The following KIAA1549 variants were observed in gnomAD, a reference collection of about 807,000 sequenced individuals.
KIAA1549 encodes the protein KIAA1549, also known as UPF0606 protein KIAA1549.
KIAA1549 carries 70 observed loss-of-function variants against 156.4 expected under a neutral mutation model. The observed-to-expected ratio is 0.45, with a 90% CI of 0.37 to 0.55. The LOEUF (loss-of-function observed/expected upper bound fraction) is 0.55. Among genes scored for constraint, KIAA1549 ranks in the 20% least tolerant of loss-of-function variants. The pLI, the probability that KIAA1549 is intolerant of heterozygous loss-of-function variation, is 0.00. For synonymous variants in KIAA1549, 1,103 were observed against 1,066.4 expected (o/e 1.03, Z -0.67); for missense variants, 2,428 against 2,540.9 (o/e 0.96, Z 0.96).
At chr7:138,940,482 C>T (rs1367789258) in intron 1 of KIAA1549, among the ~76,000 whole-genome samples, 2 of 150,826 alleles carry the variant, frequency 1.3e-5, no homozygotes, top group Non-Finnish European at 3.0e-5. Context: ...CATACGTGTG[C>T]ATGTGTCTTT....
chr7:138,862,728 C>T (rs985990463), intron 15 of KIAA1549, among the ~76,000 whole-genome samples: 1 of 152,018 alleles, frequency 6.6e-6, no homozygotes. Flanking sequence ...GTCAGGAGTT[C>T]GAGACCAGCG....
chr7:138,889,026 A>T (rs1224806694), intron 10 of KIAA1549, among the ~76,000 whole-genome samples: 3 of 152,216 alleles, frequency 2.0e-5, no homozygotes, highest in Non-Finnish European at 4.4e-5. Flanking sequence ...AAGAAAACAG[A>T]TATACTAAAC....
Position 138,944,112 on chromosome 7 carries a change from T to TTA in KIAA1549, c.188-24676_188-24675dup, listed in dbSNP as rs1245306230. ...TTGTCTATGGCCCCATTTTTTAAGATTACCATATACTGTTATTAACTGGTA... is the reference window on the plus strand; with the variant it reads ...TTGTCTATGGCCCCATTTTTTAAGATTATACCATATACTGTTATTAACTGGTA... On this transcript the variant is annotated intron_variant, in intron 1 of 19. Transcript: ENST00000422774. Among the ~76,000 whole-genome samples, 20 of 151,852 alleles carry TTA rather than the reference T, an allele frequency of 1.3e-4. No individual in the cohort carries two copies. In the East Asian group the frequency reaches 3.9e-3, roughly 29 times the overall value.
chr7:138,877,278 A>G (rs143457721), intron 12 of KIAA1549, among the ~76,000 whole-genome samples: 1,750 of 152,294 alleles, frequency 0.011, 25 homozygotes, highest in African/African-American at 0.039. Flanking sequence ...CAGATCACAT[A>G]AGGCCAGGAG....
At chr7:138,968,859 CAAAAAAAAAAAAAA>C (rs75576327) in intron 1 of KIAA1549, among the ~76,000 whole-genome samples, 1 of 66,480 alleles carries the variant, frequency 1.5e-5, no homozygotes, top group Non-Finnish European at 3.2e-5. Context: ...GACTCCGTCT[CAAAAAAAAAAAAAA>C]AAAAAAACAC....
At chr7:138,927,767 CCTCA>C in intron 1 of KIAA1549, among the ~76,000 whole-genome samples, 1 of 152,348 alleles carries the variant, frequency 6.6e-6, no homozygotes, top group East Asian at 1.9e-4. Flanking sequence ...GGCCGCAAAT[CCTCA>C]CTATGACTTG....
At position 138,837,546 on chromosome 7, in the gene KIAA1549, G is replaced by A. The variant is rs1298107027; in HGVS notation, c.*360C>T. 11 of 366,384 alleles carry A rather than the reference G, an allele frequency of 3.0e-5. No homozygotes were observed. The highest frequency in any genetic ancestry group is 1.2e-4 in the African/African-American group (6 of 48,896). The allele number at this position is 366,384 out of a possible 1,614,324, so 22.7% of individuals were successfully genotyped here. On this transcript the variant is annotated 3_prime_UTR_variant, in exon 20 of 20. Transcript: ENST00000422774. ...GTACCAGTCTCAATCCCACAGAAAC[G>A]CTTGGTTCCTTTCATCCCTATGCTG...
intron 3 of KIAA1549, 105 bp downstream of exon 3, chr7:138,912,267 T>C (rs1338985619): frequency 1.3e-5 from 10 of 798,482 alleles, no homozygotes; most frequent in Non-Finnish European, 2.2e-5. Context: ...AGGGAAGAGA[T>C]GAAATAGAAT....
At chr7:138,976,343 G>A (rs1814377868) in intron 1 of KIAA1549, among the ~76,000 whole-genome samples, 1 of 152,134 alleles carries the variant, frequency 6.6e-6, no homozygotes, top group Non-Finnish European at 1.5e-5. Flanking sequence ...TTACAGGCGT[G>A]AGTCACCGCG....
At chr7:138,896,497 T>A (rs1321626322) in intron 9 of KIAA1549, among the ~76,000 whole-genome samples, 2 of 152,244 alleles carry the variant, frequency 1.3e-5, no homozygotes, top group Non-Finnish European at 2.9e-5. Flanking sequence ...TAGCTCATTT[T>A]GCATAAAAGC....
In KIAA1549 at chr7:138,879,527, G is replaced by A. The variant is rs1350753357; in HGVS notation, c.4345+11C>T. On this transcript the variant is annotated intron_variant, in intron 12 of 19. Coordinates refer to ENST00000422774, the MANE Select transcript of KIAA1549 (RefSeq NM_001164665.2). Reference sequence around the variant, plus strand: ...CTACTTTTAATGGGAAGAACCAGAAGAGTCACAGACCGCTCTGCGGAGCTC... The same window carrying A: ...CTACTTTTAATGGGAAGAACCAGAAAAGTCACAGACCGCTCTGCGGAGCTC... 3 of 1,522,506 alleles carry A rather than the reference G, an allele frequency of 2.0e-6. No homozygotes were observed. The highest frequency in any genetic ancestry group is 2.4e-5 in the East Asian group (1 of 41,114). 94.3% of individuals were successfully genotyped at this position (1,522,506 alleles called of 1,614,324 possible). A position where few individuals can be genotyped will look rare whatever the true frequency, so the allele number is the denominator to read the frequency against.
Position 138,916,891 on chromosome 7 carries a change from C to T in KIAA1549, c.2735G>A (p.Ser912Asn), listed in dbSNP as rs369598823. The T allele has an allele frequency of 1.2e-6, 2 of 1,613,750 alleles. No individual in the cohort carries two copies. Among genetic ancestry groups the T allele is most frequent in the Non-Finnish European group, 8.5e-7 (1 of 1,179,794 alleles). ...GGATGGCAGGGGAGGAGCAGCACTA[C>T]TCTCTGGGGGGCTCTGACTTGCGGC... Reference protein sequence around the residue: ...GDAASQSPPESSAAPPLPSLR... With the variant: ...GDAASQSPPENSAAPPLPSLR... Residue 912 changes from serine to asparagine, a missense_variant, in exon 2 of 20, where the codon AGT (serine) becomes AAT (asparagine). Ser to Asn is a conservative substitution (Grantham distance 46, BLOSUM62 1). This residue lies in a region of KIAA1549 where 762 missense variants were observed against 901.6 expected (regional missense o/e 0.85). Transcript: ENST00000422774.
At chr7:138,979,081 G>A (rs1447444264) in intron 1 of KIAA1549, among the ~76,000 whole-genome samples, 2 of 152,222 alleles carry the variant, frequency 1.3e-5, no homozygotes, top group African/African-American at 4.8e-5. Context: ...GGAGCACAGG[G>A]GCTGTGCCCT....
chr7:138,952,132 G>A (rs1236450356), intron 1 of KIAA1549, among the ~76,000 whole-genome samples: 10 of 152,284 alleles, frequency 6.6e-5, no homozygotes, highest in Admixed American at 3.9e-4. Context: ...CACTTTACCC[G>A]TGCCTGGATC....
In KIAA1549 at chr7:138,908,867, C is replaced by T. The variant is rs555843077; in HGVS notation, c.3276+124G>A. 802 of 1,148,512 alleles carry T rather than the reference C, an allele frequency of 7.0e-4. 21 individuals carry two copies. In the South Asian group the frequency reaches 0.011, roughly 16 times the overall value. The allele number at this position is 1,148,512 out of a possible 1,614,324, so 71.1% of individuals were successfully genotyped here. A position where few individuals can be genotyped will look rare whatever the true frequency, so the allele number is the denominator to read the frequency against. ...TTACGCCACAGGAATAGATCAATCCCGACTCACATAAACTGGGTTTCCGCC... is the reference window on the plus strand; with the variant it reads ...TTACGCCACAGGAATAGATCAATCCTGACTCACATAAACTGGGTTTCCGCC... On this transcript the variant is annotated intron_variant, in intron 5 of 19. Transcript: ENST00000422774.
chr7:138,962,307 T>C (rs6968585), intron 1 of KIAA1549, among the ~76,000 whole-genome samples: 32,934 of 152,138 alleles, frequency 0.22, 4,231 homozygotes, highest in African/African-American at 0.35. Context: ...TCCATTACCT[T>C]CAACCATTTT....
intron 1 of KIAA1549, among the ~76,000 whole-genome samples, chr7:138,922,006 C>G (rs1333089050): frequency 1.3e-5 from 2 of 152,236 alleles, no homozygotes; most frequent in African/African-American, 4.8e-5. Flanking sequence ...AAATCACCAG[C>G]AGCTAGGGGA....
At chr7:138,854,223 A>G (rs1241665690) in intron 16 of KIAA1549, among the ~76,000 whole-genome samples, 1 of 152,214 alleles carries the variant, frequency 6.6e-6, no homozygotes, top group Non-Finnish European at 1.5e-5. Flanking sequence ...TCTATTCAGT[A>G]TAAAACACAG....
intron 2 of KIAA1549, among the ~76,000 whole-genome samples, chr7:138,915,190 T>G (rs1358348467): frequency 6.6e-6 from 1 of 152,144 alleles, no homozygotes; most frequent in Non-Finnish European, 1.5e-5. Context: ...ACAATTCTAC[T>G]TTTCCTTTTG....
Sources: allele counts gnomAD v4.1 joint callset (sites outside exome capture counted in the v4.1 genomes callset), GRCh38; gene constraint gnomAD v4.1.1; regional missense constraint gnomAD v4.1.1; transcripts MANE v1.5; gene names NCBI Gene and HGNC (gene_info 2026-07-23, HGNC 2026-07-21).